The following ARID1A variants were observed in gnomAD, a reference collection of about 807,000 sequenced individuals.
ARID1A encodes AT-rich interaction domain 1A, also known as AT-rich interactive domain-containing protein 1A.
ARID1A carries 20 observed loss-of-function variants against 212.6 expected under a neutral mutation model. The ratio of observed to expected loss-of-function variants is 0.09; its 90% CI spans 0.07 to 0.14. ARID1A has a LOEUF of 0.14. ARID1A is among the 10% of genes least tolerant of loss of function. The pLI is 1.00. For missense variants in ARID1A, 2,587 were observed against 3,059.0 expected (o/e 0.85, Z 3.64); for synonymous variants, 1,376 against 1,222.1 (o/e 1.13, Z -2.63).
chr1:26,772,421 C>G (rs2081090487), intron 12 of ARID1A, 79 bp from the exon 13 acceptor site: 7 of 1,593,898 alleles, frequency 4.4e-6, no homozygotes, highest in Non-Finnish European at 4.3e-6. Flanking sequence ...CAAAGAGATT[C>G]TGGGTCGTTC....
chr1:26,722,975 G>A (rs569514682), intron 1 of ARID1A, among the ~76,000 whole-genome samples: 3 of 152,222 alleles, frequency 2.0e-5, no homozygotes, highest in South Asian at 2.1e-4. Context: ...TTTAGGAGGC[G>A]GGGTCTAGGA....
At position 26,780,304 on chromosome 1, in the gene ARID1A, C is replaced by G. The variant is rs2124148741; in HGVS notation, c.6406C>G (p.Leu2136Val). 6.2e-7 allele frequency: 1 copy of G among 1,614,238 alleles called. No homozygotes were observed. The highest frequency in any genetic ancestry group is 8.5e-7 in the Non-Finnish European group (1 of 1,180,050). Residue 2136 changes from leucine (L) to valine (V), a missense_variant, in exon 20 of 20, where the codon CTG (leucine) becomes GTG (valine). Around this residue, in one of 11 missense-constraint regions of ARID1A, gnomAD observed 168 missense variants for 321.0 expected, o/e 0.52. Coordinates refer to ENST00000324856, the MANE Select transcript of ARID1A (RefSeq NM_006015.6). This position sits in a 1 kb window ranked among gnomAD's most constrained non-coding sequence, Gnocchi z 7.2. ...SIQDNNVDLI[L>V]ATPPFSRLEK... Reference sequence around the variant, plus strand: ...CCAGGACAACAATGTGGACCTGATTCTGGCCACACCCCCCTTCAGCCGCCT... The same window carrying G: ...CCAGGACAACAATGTGGACCTGATTGTGGCCACACCCCCCTTCAGCCGCCT...
intron 4 of ARID1A, among the ~76,000 whole-genome samples, chr1:26,736,501 C>G (rs1333883074): frequency 6.6e-6 from 1 of 150,976 alleles, no homozygotes; most frequent in East Asian, 1.9e-4. Flanking sequence ...TGGTGGCGGG[C>G]ACCTGTAGTC....
chr1:26,760,491 C>G (rs893484183), intron 4 of ARID1A, among the ~76,000 whole-genome samples: 14 of 152,054 alleles, frequency 9.2e-5, no homozygotes, highest in African/African-American at 3.4e-4. Flanking sequence ...AGTTCAAGAC[C>G]AGCCTGACCA....
At chr1:26,741,480 G>A (rs186392732) in intron 4 of ARID1A, among the ~76,000 whole-genome samples, 97 of 152,246 alleles carry the variant, frequency 6.4e-4, no homozygotes, top group African/African-American at 2.3e-3. Context: ...CCAAAGACCC[G>A]CATGTGTATA....
At chr1:26,727,303 A>T (rs1354426921) in intron 1 of ARID1A, among the ~76,000 whole-genome samples, 1 of 152,212 alleles carries the variant, frequency 6.6e-6, no homozygotes, top group African/African-American at 2.4e-5. Context: ...TGGAACTATT[A>T]TTGACCAGGG....
At chr1:26,703,973 G>A (rs1229531080) in intron 1 of ARID1A, among the ~76,000 whole-genome samples, 1 of 152,184 alleles carries the variant, frequency 6.6e-6, no homozygotes, top group African/African-American at 2.4e-5. Flanking sequence ...AGTTTGGCAG[G>A]GTTAACCTGG....
In ARID1A at chr1:26,780,483, C is replaced by G. The variant is rs754584239; in HGVS notation, c.6585C>G (p.Leu2195=). ...TGCAGAAGGGCAGTATCGGCAACCT[C>G]CTGGGCTTCCTAGAGGACAGCCTTG... ...IAVQKGSIGN[L]LGFLEDSLAA... The change falls in exon 20 of 20, where the codon CTC becomes CTG. Residue 2195 remains leucine, a synonymous_variant. Coordinates refer to ENST00000324856, the MANE Select transcript of ARID1A (RefSeq NM_006015.6). This position sits in a 1 kb window ranked among gnomAD's most constrained non-coding sequence, Gnocchi z 7.2. 6.2e-7 allele frequency: 1 copy of G among 1,614,220 alleles called. No homozygotes were observed.
At chr1:26,703,842 T>A (rs1205659406) in intron 1 of ARID1A, among the ~76,000 whole-genome samples, 1 of 152,182 alleles carries the variant, frequency 6.6e-6, no homozygotes, top group African/African-American at 2.4e-5. Flanking sequence ...AGGCATTTAG[T>A]TTTCTTAGGA....
intron 4 of ARID1A, among the ~76,000 whole-genome samples, chr1:26,746,699 C>T (rs532731823): frequency 6.6e-6 from 1 of 151,912 alleles, no homozygotes. Context: ...TAAGACCATC[C>T]TGGACAACAT....
chr1:26,753,832 C>T (rs2080905424), intron 4 of ARID1A, among the ~76,000 whole-genome samples: 1 of 152,182 alleles, frequency 6.6e-6, no homozygotes, highest in Non-Finnish European at 1.5e-5. Context: ...AAGGGCATCC[C>T]TCACCAGGGA....
chr1:26,760,787 G>A (rs1317679246), intron 4 of ARID1A, 69 bp from the exon 5 acceptor site: 1 of 1,492,560 alleles, frequency 6.7e-7, no homozygotes, highest in African/African-American at 1.4e-5. Context: ...TAAGCAAGTA[G>A]TAGGATTATT....
intron 4 of ARID1A, among the ~76,000 whole-genome samples, chr1:26,752,434 T>C (rs1457459342): frequency 6.6e-6 from 1 of 152,204 alleles, no homozygotes; most frequent in Non-Finnish European, 1.5e-5. Context: ...AAAAAAGAAC[T>C]TATGACTGAA....
chr1:26,733,614 A>T (rs2080701270), intron 4 of ARID1A, among the ~76,000 whole-genome samples: 1 of 152,186 alleles, frequency 6.6e-6, no homozygotes, highest in Non-Finnish European at 1.5e-5. Flanking sequence ...CTTTACTGTT[A>T]GTCTTAGCTC....
Position 26,697,271 on chromosome 1 carries a change from A to G in ARID1A, c.868A>G (p.Thr290Ala), listed in dbSNP as rs560787659. The G allele has an allele frequency of 6.6e-6, 9 of 1,365,868 alleles. No individual in the cohort carries two copies. In the Admixed American group the frequency reaches 2.6e-4, roughly 40 times the overall value. The allele number at this position is 1,365,868 out of a possible 1,614,324, so 84.6% of individuals were successfully genotyped here. A position where few individuals can be genotyped will look rare whatever the true frequency, so the allele number is the denominator to read the frequency against. ...GGCCGGCGGGGGAACTCCCCAGCCC[A>G]CCGCCACCCCCACCCTCAACCAACT... ...SAAGGGTPQP[T>A]ATPTLNQLLT... The change falls in exon 1 of 20, where the codon ACC becomes GCC. Residue 290 changes from threonine (T) to alanine (A), a missense_variant. Physicochemically the swap from Thr to Ala is moderately conservative, Grantham distance 58. Transcript: ENST00000324856.
At chr1:26,699,292 T>G (rs2080309748) in intron 1 of ARID1A, among the ~76,000 whole-genome samples, 1 of 152,216 alleles carries the variant, frequency 6.6e-6, no homozygotes, top group Non-Finnish European at 1.5e-5. Context: ...ATTTTGTTGC[T>G]TTTCTTCCAT....
intron 11 of ARID1A, 104 bp downstream of exon 11, chr1:26,768,103 C>T (rs1213796386): frequency 4.8e-6 from 6 of 1,252,444 alleles, no homozygotes; most frequent in South Asian, 2.9e-5. Context: ...GGGACATCAT[C>T]CCCTCTCCCG....
At chr1:26,770,498 C>T (rs1163705030) in intron 11 of ARID1A, 2 of 152,244 alleles carry the variant, frequency 1.3e-5, no homozygotes, top group Non-Finnish European at 2.9e-5. Context: ...TGGCTCACGC[C>T]TGTAATCCCA....
Position 26,780,516 on chromosome 1 carries a change from A to G in ARID1A, c.6618A>G (p.Thr2206=), listed in dbSNP as rs2124151079. Residue 2206 remains threonine, a synonymous_variant, in exon 20 of 20, where the codon ACA becomes ACG. Coordinates refer to ENST00000324856, the MANE Select transcript of ARID1A (RefSeq NM_006015.6). The surrounding 1 kb of genome is among the most constrained non-coding windows in gnomAD (Gnocchi z 7.2). ...LGFLEDSLAA[T]QFQQSQASLL... ...TCCTAGAGGACAGCCTTGCCGCCAC[A>G]CAGTTCCAGCAGAGCCAGGCCAGCC... is the stretch of plus-strand genomic sequence containing the variant. 1 of 1,614,166 alleles carries G rather than the reference A, an allele frequency of 6.2e-7. No homozygotes were observed. The highest frequency in any genetic ancestry group is 1.3e-5 in the African/African-American group (1 of 75,048).
Sources: gnomAD v4.1 joint callset for allele counts (sites outside exome capture counted in the v4.1 genomes callset) on GRCh38, gnomAD v4.1.1 for gene constraint, gnomAD v4.1.1 regional missense constraint, Gnocchi (gnomAD v3.1) non-coding constraint, MANE v1.5 for transcripts, NCBI Gene and HGNC (gene_info 2026-07-23, HGNC 2026-07-21) for gene names.